Variants in ACTR3C observed in about 807,000 individuals in gnomAD.
ACTR3C encodes actin-related protein 3C.
A neutral mutation model predicts 26.3 loss-of-function variants in ACTR3C; 18 were observed. The ratio of observed to expected loss-of-function variants is 0.68; its 90% CI spans 0.47 to 1.01. The LOEUF is 1.01. Ranked by LOEUF, ACTR3C falls within the 50% of genes least tolerant of loss-of-function variation. The pLI is 0.00. For missense variants in ACTR3C, 184 were observed against 250.7 expected (o/e 0.73, Z 1.80); for synonymous variants, 55 against 94.5 (o/e 0.58, Z 2.42).
At chr7:150,128,285 G>C in the ACTR3C span, among the ~76,000 whole-genome samples, 1 of 152,164 alleles carries the variant, frequency 6.6e-6, no homozygotes, top group Non-Finnish European at 1.5e-5. Flanking sequence ...AAGTACTAGA[G>C]CATGCTGCCT....
the ACTR3C span, among the ~76,000 whole-genome samples, chr7:149,972,974 G>C: frequency 6.6e-6 from 1 of 150,878 alleles, no homozygotes; most frequent in Non-Finnish European, 1.5e-5. Context: ...TGGCACGCCT[G>C]TCCCAGGTAA....
the ACTR3C span, among the ~76,000 whole-genome samples, chr7:150,041,637 TCC>T: frequency 2.1e-4 from 14 of 65,748 alleles, no homozygotes; most frequent in East Asian, 1.4e-3. Flanking sequence ...GGGGGGTGCC[TCC>T]CCCCCCCTGC....
At chr7:150,012,160 T>C in the ACTR3C span, among the ~76,000 whole-genome samples, 33,093 of 151,932 alleles carry the variant, frequency 0.22, 3,803 homozygotes, top group East Asian at 0.42. Context: ...AGTCAGTAAC[T>C]GCTAAATGCC....
the ACTR3C span, among the ~76,000 whole-genome samples, chr7:149,947,241 A>G: frequency 7.0e-6 from 1 of 143,574 alleles, no homozygotes; most frequent in Non-Finnish European, 1.5e-5. Flanking sequence ...TTCTTCATCC[A>G]TCCATTTCCT....
the ACTR3C span, among the ~76,000 whole-genome samples, chr7:150,035,083 T>G: frequency 6.6e-5 from 9 of 137,298 alleles, no homozygotes; most frequent in Non-Finnish European, 1.4e-4. Context: ...AGATTTGAAC[T>G]TTCTACTTGG....
the ACTR3C span, among the ~76,000 whole-genome samples, chr7:150,231,630 G>T: frequency 1.1e-4 from 17 of 150,842 alleles, no homozygotes; most frequent in African/African-American, 3.9e-4. Flanking sequence ...TTCTTTTATA[G>T]CTACACTAAA....
chr7:150,209,477 T>C, the ACTR3C span, among the ~76,000 whole-genome samples: 107 of 150,970 alleles, frequency 7.1e-4, no homozygotes, highest in Middle Eastern at 3.4e-3. Flanking sequence ...TAGTTTTAGA[T>C]TGAACATTTT....
At chr7:149,984,193 A>T in the ACTR3C span, among the ~76,000 whole-genome samples, 1 of 148,406 alleles carries the variant, frequency 6.7e-6, no homozygotes, top group African/African-American at 2.6e-5. Flanking sequence ...GTACCTACTG[A>T]GGGATTCCTT....
the ACTR3C span, among the ~76,000 whole-genome samples, chr7:150,036,844 C>T: frequency 5.6e-5 from 7 of 124,754 alleles, no homozygotes; most frequent in Admixed American, 7.5e-5. Context: ...TTAGGAGCAA[C>T]GATGGGGGGT....
the ACTR3C span, among the ~76,000 whole-genome samples, chr7:149,901,957 C>T: frequency 0.92 from 131,916 of 143,954 alleles, 61,398 homozygotes; most frequent in East Asian, 1. Flanking sequence ...TTCTTTTTTC[C>T]AACAAGCTCT....
chr7:150,139,502 G>C, the ACTR3C span, among the ~76,000 whole-genome samples: 2 of 152,272 alleles, frequency 1.3e-5, no homozygotes, highest in African/African-American at 2.4e-5. Context: ...ACCATGATGA[G>C]AGACCTAGAT....
chr7:150,238,765 G>A, the ACTR3C span, among the ~76,000 whole-genome samples: 1 of 149,106 alleles, frequency 6.7e-6, no homozygotes, highest in African/African-American at 2.6e-5. Flanking sequence ...TTAGGATTAG[G>A]TGAATCCTTC....
rs1834742753 is a variant in ACTR3C at position 150,274,866 on chromosome 7, T to TA, written c.564+9886dup. On this transcript the variant is annotated intron_variant, in intron 6 of 7. Transcript: ENST00000683684. The surrounding 1 kb of genome is among the most constrained non-coding windows in gnomAD (Gnocchi z 4.1). ...CAAAGTGATCCCTTATCACTTTTGA[T>TA]ACAGTGTGAGAAATCAGCAGATCTC... 6.6e-6 allele frequency among the ~76,000 whole-genome samples: 1 copy of TA among 152,230 alleles called. No individual in the cohort carries two copies. Among genetic ancestry groups the TA allele is most frequent in the African/African-American group, 2.4e-5 (1 of 41,452 alleles).
the ACTR3C span, among the ~76,000 whole-genome samples, chr7:149,982,336 G>A: frequency 6.6e-6 from 1 of 152,094 alleles, no homozygotes; most frequent in African/African-American, 2.4e-5. Flanking sequence ...AATTGTTTAA[G>A]TTCACTGGGA....
the ACTR3C span, among the ~76,000 whole-genome samples, chr7:150,195,836 G>A: frequency 3.6e-4 from 55 of 152,342 alleles, no homozygotes; most frequent in African/African-American, 1.3e-3. Context: ...GCAAGATCGT[G>A]CCATTGCACT....
chr7:150,287,279 A>G (rs1835860439), intron 4 of ACTR3C, among the ~76,000 whole-genome samples: 1 of 152,062 alleles, frequency 6.6e-6, no homozygotes, highest in Admixed American at 6.5e-5. Context: ...TAATAAGTAA[A>G]TGACATGGTA....
At chr7:150,214,667 G>A in the ACTR3C span, among the ~76,000 whole-genome samples, 7 of 152,142 alleles carry the variant, frequency 4.6e-5, no homozygotes, top group Non-Finnish European at 8.8e-5. Context: ...ACCAAATTCC[G>A]AAAGATGGTG....
chr7:149,938,956 A>T, the ACTR3C span, among the ~76,000 whole-genome samples: 5 of 144,906 alleles, frequency 3.5e-5, no homozygotes, highest in East Asian at 1.9e-4. Context: ...TATATATATA[A>T]AAATATATTA....
At chr7:150,039,280 C>A in the ACTR3C span, among the ~76,000 whole-genome samples, 1 of 101,410 alleles carries the variant, frequency 9.9e-6, no homozygotes, top group Non-Finnish European at 2.3e-5. Context: ...GGGGGTGCCT[C>A]CCCCCTCCTG....
Sources: gnomAD v4.1 joint callset for allele counts (sites outside exome capture counted in the v4.1 genomes callset) on GRCh38, gnomAD v4.1.1 for gene constraint, Gnocchi (gnomAD v3.1) non-coding constraint, MANE v1.5 for transcripts, NCBI Gene and HGNC (gene_info 2026-07-23, HGNC 2026-07-21) for gene names.